ARID1B: variants seen among roughly 807,000 people sequenced by gnomAD.
The protein encoded by ARID1B is AT-rich interaction domain 1B.
In ARID1B, 30 loss-of-function variants were observed where a neutral mutation model predicts 212.3. The observed-to-expected ratio is 0.14, with a 90% CI of 0.11 to 0.19. The LOEUF is 0.19. ARID1B is among the 10% of genes least tolerant of loss of function. The pLI is 1.00. For synonymous variants in ARID1B, 1,402 were observed against 1,301.7 expected, an observed-to-expected ratio of 1.08 and a Z score of -1.66; for missense variants, 2,891 against 3,204.0, an observed-to-expected ratio of 0.90 and a Z score of 2.36.
chr6:156,878,824 C>T (rs1786805694), intron 2 of ARID1B, among the ~76,000 whole-genome samples: 1 of 152,172 alleles, frequency 6.6e-6, no homozygotes, highest in African/African-American at 2.4e-5. Flanking sequence ...ACTGGGCTTG[C>T]TTTAGGAAGT....
intron 1 of ARID1B, among the ~76,000 whole-genome samples, chr6:156,820,275 A>G (rs1353789726): frequency 6.6e-6 from 1 of 152,090 alleles, no homozygotes; most frequent in Non-Finnish European, 1.5e-5. Flanking sequence ...TCTTTTATCT[A>G]GTGGTCATCA....
At chr6:157,189,183 T>C (rs147606065) in intron 13 of ARID1B, among the ~76,000 whole-genome samples, 3 of 152,352 alleles carry the variant, frequency 2.0e-5, no homozygotes, top group Non-Finnish European at 4.4e-5. Flanking sequence ...AACTAAGTTT[T>C]CTAATTTCGT....
chr6:156,986,106 G>A (rs140883561), intron 4 of ARID1B, among the ~76,000 whole-genome samples: 31 of 152,300 alleles, frequency 2.0e-4, no homozygotes, highest in Middle Eastern at 3.4e-3. Context: ...AAGGGAAAGC[G>A]ATCTAGGGAG....
intron 4 of ARID1B, among the ~76,000 whole-genome samples, chr6:156,998,572 G>A (rs1172397516): frequency 6.6e-6 from 1 of 152,138 alleles, no homozygotes; most frequent in Non-Finnish European, 1.5e-5. Flanking sequence ...GGTGGAAGGG[G>A]CACGAGGAAT....
At chr6:156,781,486 T>C (rs1779263553) in intron 1 of ARID1B, among the ~76,000 whole-genome samples, 1 of 152,164 alleles carries the variant, frequency 6.6e-6, no homozygotes, top group African/African-American at 2.4e-5. Context: ...ATGTATATTT[T>C]TATGTAACTC....
At chr6:157,103,884 G>T (rs1163711333) in intron 5 of ARID1B, among the ~76,000 whole-genome samples, 1 of 145,436 alleles carries the variant, frequency 6.9e-6, no homozygotes, top group Non-Finnish European at 1.5e-5. Context: ...TGCCCAGGCT[G>T]GAGGGCAGTA....
At chr6:157,000,693 A>ATTTTTTTTTT (rs1778857846) in intron 4 of ARID1B, among the ~76,000 whole-genome samples, 1 of 77,494 alleles carries the variant, frequency 1.3e-5, no homozygotes, top group African/African-American at 4.8e-5. Flanking sequence ...ATTTCTAATT[A>ATTTTTTTTTT]TTCTTTTTTT....
At chr6:157,010,891 A>T (rs1485279285) in intron 4 of ARID1B, among the ~76,000 whole-genome samples, 2 of 152,256 alleles carry the variant, frequency 1.3e-5, no homozygotes, top group Non-Finnish European at 2.9e-5. Flanking sequence ...GATCACTAAT[A>T]GAACTATCAT....
At chr6:157,114,486 T>C (rs980603329) in intron 6 of ARID1B, among the ~76,000 whole-genome samples, 2 of 122,624 alleles carry the variant, frequency 1.6e-5, no homozygotes, top group Admixed American at 1.1e-4. Flanking sequence ...ATCACGCCAC[T>C]GCACTCCAGC....
chr6:157,035,783 G>C (rs1781291000), intron 4 of ARID1B, among the ~76,000 whole-genome samples: 1 of 152,184 alleles, frequency 6.6e-6, no homozygotes, highest in South Asian at 2.1e-4. Context: ...CAGTGAGCCT[G>C]GCTTTCAGTG....
chr6:157,081,833 T>TATTTTGA (rs1784646343), intron 4 of ARID1B, among the ~76,000 whole-genome samples: 1 of 152,248 alleles, frequency 6.6e-6, no homozygotes, highest in Non-Finnish European at 1.5e-5. Context: ...ATTATTTAAC[T>TATTTTGA]ACAATAGATG....
At chr6:156,884,804 G>A (rs569871064) in intron 2 of ARID1B, among the ~76,000 whole-genome samples, 14 of 152,320 alleles carry the variant, frequency 9.2e-5, no homozygotes, top group Non-Finnish European at 1.5e-4. Context: ...GGTTTTAAAT[G>A]ATTGTGAGTG....
chr6:156,879,365 T>G (rs1481948392), intron 2 of ARID1B, among the ~76,000 whole-genome samples: 1 of 152,208 alleles, frequency 6.6e-6, no homozygotes, highest in African/African-American at 2.4e-5. Context: ...CAATAAAAAT[T>G]AGGAAAACTG....
At chr6:156,861,253 G>A (rs544276550) in intron 2 of ARID1B, among the ~76,000 whole-genome samples, 2 of 152,254 alleles carry the variant, frequency 1.3e-5, no homozygotes, top group Middle Eastern at 3.4e-3. Context: ...TCCTAGACTG[G>A]CATGGTGTGC....
chr6:156,927,096 A>G (rs1325443876), intron 3 of ARID1B, among the ~76,000 whole-genome samples: 1 of 152,210 alleles, frequency 6.6e-6, no homozygotes, highest in Non-Finnish European at 1.5e-5. Flanking sequence ...ATTCCTATCA[A>G]TTATCCAGTA....
chr6:157,120,526 G>A (rs1275596757), intron 6 of ARID1B, among the ~76,000 whole-genome samples: 1 of 152,206 alleles, frequency 6.6e-6, no homozygotes, highest in Admixed American at 6.5e-5. Context: ...GTGAAGAGAG[G>A]AAGGCAGGCA....
intron 1 of ARID1B, among the ~76,000 whole-genome samples, chr6:156,786,630 T>G (rs1779649942): frequency 6.6e-6 from 1 of 152,062 alleles, no homozygotes; most frequent in Non-Finnish European, 1.5e-5. Flanking sequence ...TGGGAAGCAA[T>G]AGTTATTTCT....
chr6:157,021,430 G>C (rs1246646091), intron 4 of ARID1B, among the ~76,000 whole-genome samples: 1 of 152,192 alleles, frequency 6.6e-6, no homozygotes, highest in Non-Finnish European at 1.5e-5. Context: ...GCGCGGAGGG[G>C]ACCGAGTCAC....
chr6:156,982,350 C>A (rs1777654580), intron 4 of ARID1B, among the ~76,000 whole-genome samples: 1 of 150,676 alleles, frequency 6.6e-6, no homozygotes. Context: ...GTTGCCCTTT[C>A]TTTCTGTGTG....
Sources: gnomAD v4.1 joint callset for allele counts (sites outside exome capture counted in the v4.1 genomes callset) on GRCh38, gnomAD v4.1.1 for gene constraint, MANE v1.5 for transcripts, NCBI Gene and HGNC (gene_info 2026-07-23, HGNC 2026-07-21) for gene names.